HSPA4L: variants seen among roughly 807,000 people sequenced by gnomAD.
HSPA4L encodes the protein heat shock protein family A (Hsp70) member 4 like.
In HSPA4L, 48 loss-of-function variants were observed where a neutral mutation model predicts 100.3. That is an observed-to-expected ratio of 0.48 (90% confidence interval 0.38 to 0.61). HSPA4L has a LOEUF of 0.61. HSPA4L is among the 20% of genes least tolerant of loss of function. HSPA4L has a pLI of 0.00. For synonymous variants in HSPA4L, 319 were observed against 328.2 expected, an observed-to-expected ratio of 0.97 and a Z score of 0.30; for missense variants, 886 against 988.6, an observed-to-expected ratio of 0.90 and a Z score of 1.39.
chr4:127,794,437 T>G (rs968357508), intron 2 of HSPA4L, among the ~76,000 whole-genome samples: 1 of 152,074 alleles, frequency 6.6e-6, no homozygotes, highest in Non-Finnish European at 1.5e-5. Context: ...ATGAGGGATA[T>G]TCTGTCTAGA....
At chr4:127,786,708 C>G (rs1732728677) in intron 1 of HSPA4L, among the ~76,000 whole-genome samples, 1 of 152,226 alleles carries the variant, frequency 6.6e-6, no homozygotes, top group Non-Finnish European at 1.5e-5. Context: ...CTCAAGCCAT[C>G]TTCCCATCTT....
intron 10 of HSPA4L, 131 bp downstream of exon 10, chr4:127,805,924 A>G: frequency 1.9e-6 from 1 of 513,294 alleles, no homozygotes; most frequent in Non-Finnish European, 3.4e-6. Context: ...TATTAAAGAG[A>G]TATAAAAATG....
At chr4:127,789,217 T>C (rs995262247) in intron 1 of HSPA4L, among the ~76,000 whole-genome samples, 1 of 152,252 alleles carries the variant, frequency 6.6e-6, no homozygotes, top group East Asian at 1.9e-4. Flanking sequence ...CTGATTTTTA[T>C]GCCCCTCTCC....
In HSPA4L at chr4:127,811,611, T is replaced by G. The variant is rs1266325500; in HGVS notation, c.1553T>G (p.Phe518Cys). The stretch of plus-strand genomic sequence containing the variant: ...GCTCCAATGGAGACAGAAACTTCAT[T>G]TAAAAATGAAAACAAAGATAATATG... ...SDAPMETETS[F>C]KNENKDNMDK... is the part of the protein sequence containing the mutation. Residue 518 changes from phenylalanine (F) to cysteine (C), a missense_variant, in exon 12 of 19, where the codon TTT (phenylalanine) becomes TGT (cysteine). Physicochemically the swap from Phe to Cys is radical, Grantham distance 205. Transcript: ENST00000296464. 1.9e-6 allele frequency: 3 copies of G among 1,613,134 alleles called. No homozygotes were observed. Among genetic ancestry groups the G allele is most frequent in the Non-Finnish European group, 2.5e-6 (3 of 1,179,750 alleles).
chr4:127,783,313 A>T (rs1732619622), intron 1 of HSPA4L, among the ~76,000 whole-genome samples: 1 of 151,752 alleles, frequency 6.6e-6, no homozygotes, highest in African/African-American at 2.4e-5. Context: ...GAGCCTCGGG[A>T]TGGGAGTCAC....
intron 13 of HSPA4L, among the ~76,000 whole-genome samples, chr4:127,818,666 T>C (rs895416612): frequency 6.6e-6 from 1 of 151,322 alleles, no homozygotes; most frequent in Non-Finnish European, 1.5e-5. Context: ...TTTCATTAAC[T>C]TTTTTTTTCA....
intron 3 of HSPA4L, among the ~76,000 whole-genome samples, chr4:127,797,601 A>ATT: frequency 7.3e-6 from 1 of 136,480 alleles, no homozygotes; most frequent in African/African-American, 3.0e-5. Context: ...CTTTAAAAAA[A>ATT]ATTTTTTTTT....
chr4:127,822,126 T>C (rs1375371969), intron 14 of HSPA4L, among the ~76,000 whole-genome samples: 4 of 152,192 alleles, frequency 2.6e-5, no homozygotes, highest in Admixed American at 1.3e-4. Context: ...CCACTGTCTA[T>C]TTTCAAAACA....
rs772366861 is a variant in HSPA4L at position 127,801,173 on chromosome 4, T to G, written c.465T>G (p.Ser155=). 7 of 1,613,454 alleles carry G rather than the reference T, an allele frequency of 4.3e-6. No homozygotes were observed. The highest frequency in any genetic ancestry group is 5.9e-6 in the Non-Finnish European group (7 of 1,179,704). ...TTTTTACTGATGCCGAGAGAAGATC[T>G]GTGATGGCTGCAGCCCAGGTTGCAG... The part of the protein sequence containing the change: ...PSFFTDAERR[S]VMAAAQVAGL... Residue 155 remains serine (S), a synonymous_variant, in exon 5 of 19, where the codon TCT becomes TCG. Coordinates refer to ENST00000296464, the MANE Select transcript of HSPA4L (RefSeq NM_014278.4).
At chr4:127,785,884 GTAAC>G (rs1732702914) in intron 1 of HSPA4L, among the ~76,000 whole-genome samples, 1 of 152,106 alleles carries the variant, frequency 6.6e-6, no homozygotes, top group Non-Finnish European at 1.5e-5. Flanking sequence ...AACTATCTTT[GTAAC>G]TAAATTTTTG....
rs1733526001 is a variant in HSPA4L at position 127,811,439 on chromosome 4, A to G, written c.1381A>G (p.Ser461Gly). 6.2e-7 allele frequency: 1 copy of G among 1,612,874 alleles called. No individual in the cohort carries two copies. Residue 461 changes from serine to glycine, a missense_variant and splice_region_variant, in exon 12 of 19, where the codon AGC (serine) becomes GGC (glycine). Coordinates refer to ENST00000296464, the MANE Select transcript of HSPA4L (RefSeq NM_014278.4). ...ATTGGAGTTCTTTTTTCCTTAAGGG[A>G]GCTTCACTATTCAGAATGTTTTTCC... ...EVPYPDARIG[S>G]FTIQNVFPQS...
chr4:127,801,209 T>C lies in HSPA4L; in HGVS notation c.501T>C (p.Cys167=). ...MAAAQVAGLN[C]LRLMNETTAV... is the part of the protein sequence containing the mutation. ...CAGCCCAGGTTGCAGGCTTAAATTG[T>C]TTAAGGTTGATGAATGAAACTACTG... Residue 167 remains cysteine (C), a synonymous_variant, in exon 5 of 19, where the codon TGT becomes TGC. Coordinates refer to ENST00000296464, the MANE Select transcript of HSPA4L (RefSeq NM_014278.4). 6.2e-7 allele frequency: 1 copy of C among 1,612,054 alleles called. No homozygotes were observed.
intron 18 of HSPA4L, among the ~76,000 whole-genome samples, chr4:127,831,156 A>G (rs1271354591): frequency 6.6e-6 from 1 of 152,178 alleles, no homozygotes; most frequent in Non-Finnish European, 1.5e-5. Flanking sequence ...ATAAACTTCC[A>G]TGGTAAAATC....
chr4:127,818,625 T>G (rs1733734720), intron 13 of HSPA4L, among the ~76,000 whole-genome samples: 1 of 152,156 alleles, frequency 6.6e-6, no homozygotes, highest in African/African-American at 2.4e-5. Context: ...ATGAGCAAAA[T>G]TACCTTTTTT....
At chr4:127,783,584 GA>G in intron 1 of HSPA4L, 1 of 1,532,548 alleles carries the variant, frequency 6.5e-7, no homozygotes, top group Non-Finnish European at 8.7e-7. Context: ...AAGTAATTCT[GA>G]AATATGAAAA....
chr4:127,812,160 A>G (rs1338220340), intron 12 of HSPA4L, among the ~76,000 whole-genome samples: 1 of 152,118 alleles, frequency 6.6e-6, no homozygotes, highest in Non-Finnish European at 1.5e-5. Context: ...CTGTAATCGC[A>G]GCACTTTGGG....
chr4:127,797,975 C>A (rs1277493516), intron 3 of HSPA4L, among the ~76,000 whole-genome samples: 3 of 152,062 alleles, frequency 2.0e-5, no homozygotes, highest in Admixed American at 2.0e-4. Flanking sequence ...TGCTTGATTT[C>A]TTTATGCACC....
At chr4:127,786,294 T>C (rs1205716439) in intron 1 of HSPA4L, among the ~76,000 whole-genome samples, 1 of 152,188 alleles carries the variant, frequency 6.6e-6, no homozygotes, top group Non-Finnish European at 1.5e-5. Context: ...GTCTTTCCAG[T>C]ATCCATTGTT....
At chr4:127,801,328 C>CCAAGGCAAGA in intron 5 of HSPA4L, 91 bp downstream of exon 5, 1 of 895,028 alleles carries the variant, frequency 1.1e-6, no homozygotes, top group East Asian at 2.7e-5. Flanking sequence ...TTTTTTAACT[C>CCAAGGCAAGA]CAAGGCAAGA....
Sources: gnomAD v4.1 joint callset for allele counts (sites outside exome capture counted in the v4.1 genomes callset) on GRCh38, gnomAD v4.1.1 for gene constraint, MANE v1.5 for transcripts, NCBI Gene and HGNC (gene_info 2026-07-23, HGNC 2026-07-21) for gene names.